The following CNTNAP4 variants were observed in gnomAD, a reference collection of about 807,000 sequenced individuals.
CNTNAP4 encodes contactin associated protein family member 4, also known as contactin-associated protein-like 4.
CNTNAP4 carries 98 observed loss-of-function variants against 148.4 expected under a neutral mutation model. The ratio of observed to expected loss-of-function variants is 0.66; its 90% CI spans 0.56 to 0.78. CNTNAP4 has a LOEUF of 0.78. CNTNAP4 is among the 30% of genes least tolerant of loss of function. The pLI is 0.00. For synonymous variants in CNTNAP4, 730 were observed against 565.1 expected, an observed-to-expected ratio of 1.29 and a Z score of -4.14; for missense variants, 1,935 against 1,565.6, an observed-to-expected ratio of 1.24 and a Z score of -3.98.
At chr16:76,305,964 T>A (rs191628939) in intron 1 of CNTNAP4, among the ~76,000 whole-genome samples, 2 of 152,310 alleles carry the variant, frequency 1.3e-5, no homozygotes, top group Admixed American at 1.3e-4. Flanking sequence ...TCCAGCTTCA[T>A]CTGTGTTGCT....
At chr16:76,291,046 C>A (rs1440852306) in intron 1 of CNTNAP4, among the ~76,000 whole-genome samples, 1 of 152,114 alleles carries the variant, frequency 6.6e-6, no homozygotes, top group Non-Finnish European at 1.5e-5. Flanking sequence ...ACCCTTACAA[C>A]CTCATTTAAA....
Position 76,538,147 on chromosome 16 carries a change from C to G in CNTNAP4, c.3027C>G (p.Ser1009=). ...CTGCATATTTTGGATCTGGCTCATC[C>G]GTGATATACAATTTTCAAGAAAATT... ...EISAYFGSGS[S]VIYNFQENYL... The change falls in exon 19 of 24, where the codon TCC becomes TCG. Residue 1009 remains serine (S), a synonymous_variant. Coordinates refer to ENST00000611870, the MANE Select transcript of CNTNAP4 (RefSeq NM_033401.5). The G allele has an allele frequency of 6.4e-7, 1 of 1,564,520 alleles. No homozygotes were observed.
chr16:76,440,139 A>G (rs2079978478), intron 4 of CNTNAP4, among the ~76,000 whole-genome samples: 1 of 151,968 alleles, frequency 6.6e-6, no homozygotes, highest in Admixed American at 6.6e-5. Flanking sequence ...TTTGGTCTAT[A>G]CCCCTTTCCA....
intron 3 of CNTNAP4, among the ~76,000 whole-genome samples, chr16:76,400,027 A>G (rs1049192651): frequency 6.6e-5 from 10 of 152,196 alleles, no homozygotes; most frequent in Admixed American, 1.3e-4. Flanking sequence ...ATGGATTTAG[A>G]CAGGTTAGCA....
intron 1 of CNTNAP4, among the ~76,000 whole-genome samples, chr16:76,284,056 A>C (rs1178985117): frequency 6.6e-6 from 1 of 152,034 alleles, no homozygotes; most frequent in Non-Finnish European, 1.5e-5. Flanking sequence ...ATTATTATTT[A>C]TAGCTTATTT....
At chr16:76,313,308 C>A (rs951132500) in intron 1 of CNTNAP4, among the ~76,000 whole-genome samples, 2 of 152,078 alleles carry the variant, frequency 1.3e-5, no homozygotes, top group Admixed American at 6.6e-5. Flanking sequence ...AATTAAACAC[C>A]CTTTTCACCA....
chr16:76,480,581 T>C (rs1368998323), intron 12 of CNTNAP4, among the ~76,000 whole-genome samples: 1 of 151,956 alleles, frequency 6.6e-6, no homozygotes, highest in Non-Finnish European at 1.5e-5. Flanking sequence ...CTCCTAAAAA[T>C]ACAAAAATTA....
intron 14 of CNTNAP4, among the ~76,000 whole-genome samples, chr16:76,496,064 AT>A (rs2082389351): frequency 6.9e-6 from 1 of 144,610 alleles, no homozygotes; most frequent in Non-Finnish European, 1.5e-5. Context: ...ATTATGTTAT[AT>A]CATAAACATC....
chr16:76,412,972 A>G (rs1234074951), intron 3 of CNTNAP4, among the ~76,000 whole-genome samples: 2 of 151,414 alleles, frequency 1.3e-5, no homozygotes, highest in Non-Finnish European at 3.0e-5. Flanking sequence ...GTAGTGATCA[A>G]TCCTTCTTTA....
intron 3 of CNTNAP4, among the ~76,000 whole-genome samples, chr16:76,413,943 C>T (rs62051226): frequency 0.35 from 52,823 of 150,942 alleles, 10,877 homozygotes; most frequent in Non-Finnish European, 0.44. Context: ...AACAGACTTG[C>T]TAAACTAATT....
At chr16:76,525,350 C>T (rs944889194) in intron 17 of CNTNAP4, among the ~76,000 whole-genome samples, 1 of 151,006 alleles carries the variant, frequency 6.6e-6, no homozygotes, top group African/African-American at 2.4e-5. Flanking sequence ...CCAAAGAGTT[C>T]TGTGTCTTCC....
chr16:76,429,582 C>T (rs967443005), intron 4 of CNTNAP4, among the ~76,000 whole-genome samples: 1 of 152,082 alleles, frequency 6.6e-6, no homozygotes, highest in Non-Finnish European at 1.5e-5. Flanking sequence ...ACAAATTTAA[C>T]ATTAAGAGCA....
At chr16:76,355,840 T>TTTATTTA (rs1238134663) in intron 3 of CNTNAP4, among the ~76,000 whole-genome samples, 26 of 141,718 alleles carry the variant, frequency 1.8e-4, no homozygotes, top group African/African-American at 6.4e-4. Context: ...TTGCATTGTC[T>TTTATTTA]TTTATTTATT....
intron 17 of CNTNAP4, among the ~76,000 whole-genome samples, chr16:76,532,742 G>A (rs2084040518): frequency 6.6e-6 from 1 of 152,104 alleles, no homozygotes; most frequent in Non-Finnish European, 1.5e-5. Flanking sequence ...ACCTTACCCA[G>A]GGAAGAAATA....
At chr16:76,503,722 C>A (rs2082736658) in intron 15 of CNTNAP4, among the ~76,000 whole-genome samples, 1 of 150,398 alleles carries the variant, frequency 6.6e-6, no homozygotes, top group Admixed American at 6.6e-5. Context: ...TGTTCCCCTT[C>A]CTGTGTCCAA....
chr16:76,541,473 CATT>C (rs1304776706), intron 21 of CNTNAP4, among the ~76,000 whole-genome samples: 1 of 152,132 alleles, frequency 6.6e-6, no homozygotes. Flanking sequence ...ATACATTAAT[CATT>C]AAGAGTATTG....
intron 1 of CNTNAP4, among the ~76,000 whole-genome samples, chr16:76,291,490 C>T (rs1959113848): frequency 6.6e-6 from 1 of 152,152 alleles, no homozygotes; most frequent in African/African-American, 2.4e-5. Context: ...TAGCCATTAT[C>T]ACAAGTATTA....
chr16:76,544,006 C>T (rs2144321632), intron 21 of CNTNAP4, among the ~76,000 whole-genome samples: 1 of 152,322 alleles, frequency 6.6e-6, no homozygotes, highest in South Asian at 2.1e-4. Context: ...GACGTTACAT[C>T]TGCCCTTACA....
chr16:76,553,757 A>T, intron 22 of CNTNAP4, 79 bp from the exon 23 acceptor site: 1 of 921,382 alleles, frequency 1.1e-6, no homozygotes, highest in Non-Finnish European at 1.7e-6. Context: ...TCTGTGGTTT[A>T]AAACATTTAT....
Sources: allele counts gnomAD v4.1 joint callset (sites outside exome capture counted in the v4.1 genomes callset), GRCh38; gene constraint gnomAD v4.1.1; transcripts MANE v1.5; gene names NCBI Gene and HGNC (gene_info 2026-07-23, HGNC 2026-07-21).